RSPO3: variants seen among roughly 807,000 people sequenced by gnomAD.
RSPO3 encodes the protein R-spondin 3, also known as R-spondin-3.
RSPO3 carries 17 observed loss-of-function variants against 36.5 expected under a neutral mutation model. That is an observed-to-expected ratio of 0.47 (90% CI 0.32 to 0.70). RSPO3 has a LOEUF of 0.70. Ranked by LOEUF, RSPO3 falls within the 30% of genes least tolerant of loss-of-function variation. The pLI, the probability that RSPO3 is intolerant of heterozygous loss-of-function variation, is 0.04. For synonymous variants in RSPO3, 108 were observed against 107.0 expected (o/e 1.01, Z -0.06); for missense variants, 294 against 322.5 (o/e 0.91, Z 0.68).
At chr6:127,195,318 T>G (rs1350471879) in intron 4 of RSPO3, among the ~76,000 whole-genome samples, 3 of 152,054 alleles carry the variant, frequency 2.0e-5, no homozygotes, top group African/African-American at 7.2e-5. Flanking sequence ...CAGGCATGCA[T>G]CACCATGCCT....
At chr6:127,146,723 C>T (rs936616650) in intron 1 of RSPO3, among the ~76,000 whole-genome samples, 2 of 152,024 alleles carry the variant, frequency 1.3e-5, no homozygotes, top group African/African-American at 2.4e-5. Flanking sequence ...TCTCTTAGTG[C>T]CCTGAGTTTG....
intron 4 of RSPO3, among the ~76,000 whole-genome samples, chr6:127,173,931 G>A (rs891781641): frequency 6.6e-6 from 1 of 151,896 alleles, no homozygotes; most frequent in Non-Finnish European, 1.5e-5. Context: ...CCGAATAAGA[G>A]TTTCATTCTA....
At chr6:127,185,222 T>C (rs1328006356) in intron 4 of RSPO3, among the ~76,000 whole-genome samples, 1 of 151,976 alleles carries the variant, frequency 6.6e-6, no homozygotes, top group African/African-American at 2.4e-5. Context: ...ATTGTGGAAA[T>C]GGATGTTGAA....
At chr6:127,167,453 G>T (rs192651069) in intron 4 of RSPO3, among the ~76,000 whole-genome samples, 19 of 151,830 alleles carry the variant, frequency 1.3e-4, no homozygotes, top group Admixed American at 1.2e-3. Context: ...GACATGATCC[G>T]ATTCCCTTTT....
At chr6:127,158,496 T>C (rs977547271) in intron 4 of RSPO3, among the ~76,000 whole-genome samples, 7 of 152,156 alleles carry the variant, frequency 4.6e-5, no homozygotes, top group Non-Finnish European at 1.0e-4. Context: ...TTCAGGATTT[T>C]TTCTGCTCTG....
At chr6:127,153,015 T>C (rs1479773918) in intron 3 of RSPO3, among the ~76,000 whole-genome samples, 1 of 152,088 alleles carries the variant, frequency 6.6e-6, no homozygotes, top group Non-Finnish European at 1.5e-5. Flanking sequence ...TCACTACTAA[T>C]AGGACATCCT....
intron 1 of RSPO3, among the ~76,000 whole-genome samples, chr6:127,130,701 C>G (rs575186649): frequency 6.6e-6 from 1 of 152,170 alleles, no homozygotes; most frequent in African/African-American, 2.4e-5. Context: ...TTTACTTGTA[C>G]CACTGGTCAT....
chr6:127,119,913 G>A (rs1178000404), intron 1 of RSPO3: 1 of 152,418 alleles, frequency 6.6e-6, no homozygotes, highest in Non-Finnish European at 1.5e-5. Flanking sequence ...AGAGCTGCCG[G>A]ACGTCCCCCG....
At position 127,195,883 on chromosome 6, in the gene RSPO3, T is replaced by C. The variant is rs1308813062; in HGVS notation, c.695T>C (p.Ile232Thr). 8.1e-6 allele frequency: 13 copies of C among 1,610,958 alleles called. No homozygotes were observed. The highest frequency in any genetic ancestry group is 3.4e-5 in the Admixed American group (2 of 59,612). ...AATAAAGGAGAAAGTAAAGAAGCAA[T>C]ACCTGACAGCAAAAGTCTGGAATCC... ...KPNKGESKEAIPDSKSLESSK... is the reference protein window; with the variant it reads ...KPNKGESKEATPDSKSLESSK... Residue 232 changes from isoleucine to threonine, a missense_variant, in exon 5 of 5, where the codon ATA (isoleucine) becomes ACA (threonine). Transcript: ENST00000356698.
chr6:127,192,835 A>C (rs1775440097), intron 4 of RSPO3: 1 of 359,592 alleles, frequency 2.8e-6, no homozygotes, highest in Non-Finnish European at 3.9e-6. Context: ...CTTAGTTTGC[A>C]AAATTGCCAA....
At chr6:127,141,538 T>C (rs527567558) in intron 1 of RSPO3, among the ~76,000 whole-genome samples, 1 of 152,260 alleles carries the variant, frequency 6.6e-6, no homozygotes, top group African/African-American at 2.4e-5. Context: ...AAAAGAAAGA[T>C]TTTCCAAGTT....
intron 4 of RSPO3, among the ~76,000 whole-genome samples, chr6:127,167,147 T>G (rs1180949999): frequency 6.6e-6 from 1 of 152,020 alleles, no homozygotes; most frequent in East Asian, 1.9e-4. Context: ...TTATTTTAAG[T>G]TCCGGGGTAC....
chr6:127,148,833 T>C lies in RSPO3; in HGVS notation c.283T>C (p.Cys95Arg). 6.2e-7 allele frequency: 1 copy of C among 1,608,696 alleles called. No homozygotes were observed. The highest frequency in any genetic ancestry group is 8.5e-7 in the Non-Finnish European group (1 of 1,176,762). Residue 95 changes from cysteine (C) to arginine (R), a missense_variant, in exon 2 of 5, where the codon TGT becomes CGT. Physicochemically the swap from Cys to Arg is radical, Grantham distance 180. This residue lies in a region of RSPO3 where 43 missense variants were observed against 86.0 expected (regional missense o/e 0.50). Coordinates refer to ENST00000356698, the MANE Select transcript of RSPO3 (RefSeq NM_032784.5). ...AACTCGATATCCAGATATAAATAAG[T>C]GTACAAGTAAGTGCCCACACGAAAT... ...YGTRYPDINK[C>R]TKCKADCDTC... is the part of the protein sequence containing the mutation.
intron 1 of RSPO3, among the ~76,000 whole-genome samples, chr6:127,137,741 C>T (rs1470236854): frequency 1.3e-5 from 2 of 152,138 alleles, no homozygotes; most frequent in East Asian, 3.8e-4. Context: ...TTTTTCTTTT[C>T]CTTCAAGTTC....
At position 127,198,663 on chromosome 6, in the gene RSPO3, C is replaced by A. The variant is rs972113162; in HGVS notation, c.*2656C>A. ...ATTCAGCTTCATAATTAAGGGAAGG[C>A]CTGTTTTCTATCCTCAGATTTAGGT... On this transcript the variant is annotated 3_prime_UTR_variant, in exon 5 of 5. Coordinates refer to ENST00000356698, the MANE Select transcript of RSPO3 (RefSeq NM_032784.5). 2.6e-5 allele frequency among the ~76,000 whole-genome samples: 4 copies of A among 152,156 alleles called. No individual in the cohort carries two copies. The East Asian group carries it at 7.7e-4, about 29-fold the overall frequency.
chr6:127,128,956 T>C (rs530467629), intron 1 of RSPO3, among the ~76,000 whole-genome samples: 1 of 152,230 alleles, frequency 6.6e-6, no homozygotes, highest in Admixed American at 6.5e-5. Flanking sequence ...GTATCAGCCA[T>C]ACTCAAACTT....
chr6:127,183,130 C>T (rs546104403), intron 4 of RSPO3, among the ~76,000 whole-genome samples: 2 of 152,068 alleles, frequency 1.3e-5, no homozygotes, highest in South Asian at 4.1e-4. Flanking sequence ...CTCTGATCCA[C>T]ACTCCCAACC....
chr6:127,141,443 T>C (rs2114567660), intron 1 of RSPO3, among the ~76,000 whole-genome samples: 1 of 152,346 alleles, frequency 6.6e-6, no homozygotes, highest in East Asian at 1.9e-4. Context: ...ATGTTAGGTT[T>C]GTTTTATTGC....
At chr6:127,162,460 A>G (rs2114604039) in intron 4 of RSPO3, among the ~76,000 whole-genome samples, 1 of 152,250 alleles carries the variant, frequency 6.6e-6, no homozygotes, top group Admixed American at 6.5e-5. Context: ...CCTTTGTAAA[A>G]ACAGTCAACT....
Sources: allele counts gnomAD v4.1 joint callset (sites outside exome capture counted in the v4.1 genomes callset), GRCh38; gene constraint gnomAD v4.1.1; regional missense constraint gnomAD v4.1.1; transcripts MANE v1.5; gene names NCBI Gene and HGNC (gene_info 2026-07-23, HGNC 2026-07-21).